Variants in CAP2 observed in about 807,000 individuals in gnomAD.
The protein encoded by CAP2 is adenylyl cyclase-associated protein 2.
In CAP2, 24 loss-of-function variants were observed where a neutral mutation model predicts 57.7. That is an observed-to-expected ratio of 0.42 (90% confidence interval 0.30 to 0.58). CAP2 has a LOEUF of 0.58. Ranked by LOEUF, CAP2 falls within the 20% of genes least tolerant of loss-of-function variation. The pLI is 0.22. For synonymous variants in CAP2, 194 were observed against 207.2 expected, an observed-to-expected ratio of 0.94 and a Z score of 0.55; for missense variants, 501 against 590.3, an observed-to-expected ratio of 0.85 and a Z score of 1.57.
chr6:17,478,032 TTAA>T (rs1207193347), intron 4 of CAP2, among the ~76,000 whole-genome samples: 1 of 148,140 alleles, frequency 6.8e-6, no homozygotes, highest in African/African-American at 2.4e-5. Flanking sequence ...TTATATATCA[TTAA>T]TAATAATTAT....
chr6:17,480,023 G>A (rs1444097045), intron 4 of CAP2, among the ~76,000 whole-genome samples: 1 of 152,018 alleles, frequency 6.6e-6, no homozygotes, highest in East Asian at 1.9e-4. Context: ...CTACAGTATG[G>A]CCTCTTCAAC....
chr6:17,480,775 T>G (rs866646821), intron 4 of CAP2, among the ~76,000 whole-genome samples: 11,016 of 142,516 alleles, frequency 0.077, 1,384 homozygotes, highest in African/African-American at 0.26. Context: ...TTTTTTTGGT[T>G]TTTTTTTTTT....
chr6:17,466,379 T>G (rs559536264), intron 4 of CAP2, among the ~76,000 whole-genome samples: 3 of 152,192 alleles, frequency 2.0e-5, no homozygotes, highest in Non-Finnish European at 4.4e-5. Context: ...TAGGTCTTGG[T>G]TGAGTCCCAA....
intron 1 of CAP2, among the ~76,000 whole-genome samples, chr6:17,395,575 T>C (rs1336901227): frequency 6.6e-6 from 1 of 152,206 alleles, no homozygotes; most frequent in Admixed American, 6.5e-5. Context: ...AAAGGATTAA[T>C]GGGCCACATT....
intron 9 of CAP2, 128 bp downstream of exon 9, chr6:17,541,276 A>G: frequency 6.1e-6 from 4 of 659,684 alleles, no homozygotes; most frequent in Non-Finnish European, 1.0e-5. Context: ...ACATTTGTAT[A>G]TATTTATGGG....
chr6:17,427,978 A>G (rs1365150972), intron 3 of CAP2, among the ~76,000 whole-genome samples: 1 of 152,258 alleles, frequency 6.6e-6, no homozygotes, highest in African/African-American at 2.4e-5. Context: ...GGTGTTTGCC[A>G]GAGGCTGGAG....
intron 3 of CAP2, among the ~76,000 whole-genome samples, chr6:17,445,387 G>A (rs1006537882): frequency 2.0e-5 from 3 of 152,210 alleles, no homozygotes; most frequent in Admixed American, 6.5e-5. Context: ...GATTGTAGGC[G>A]TGAGCCACCA....
chr6:17,402,384 A>T (rs1758840748), intron 1 of CAP2, among the ~76,000 whole-genome samples: 1 of 152,236 alleles, frequency 6.6e-6, no homozygotes. Flanking sequence ...TTCTGAGTAT[A>T]AATTTCGTTT....
intron 1 of CAP2, 71 bp from the exon 2 acceptor site, chr6:17,421,484 G>C (rs1759444887): frequency 1.3e-6 from 2 of 1,523,136 alleles, no homozygotes; most frequent in African/African-American, 1.4e-5. Flanking sequence ...CTGTTGTTGA[G>C]ACTGATGGTG....
intron 1 of CAP2, among the ~76,000 whole-genome samples, chr6:17,398,728 G>A (rs1232797102): frequency 6.6e-6 from 1 of 151,904 alleles, no homozygotes; most frequent in Non-Finnish European, 1.5e-5. Context: ...ATTTCACCGT[G>A]TTAGCCAGGA....
intron 3 of CAP2, among the ~76,000 whole-genome samples, chr6:17,449,402 T>C (rs1418946838): frequency 6.6e-6 from 1 of 152,094 alleles, no homozygotes; most frequent in Non-Finnish European, 1.5e-5. Context: ...TGCAATTATT[T>C]TATTATTATT....
At chr6:17,455,029 G>A (rs527327079) in intron 3 of CAP2, among the ~76,000 whole-genome samples, 2 of 152,142 alleles carry the variant, frequency 1.3e-5, no homozygotes, top group Non-Finnish European at 2.9e-5. Flanking sequence ...GGGCAGGAGA[G>A]CCCCCGCTCC....
At chr6:17,407,199 C>T (rs1466884410) in intron 1 of CAP2, among the ~76,000 whole-genome samples, 2 of 152,070 alleles carry the variant, frequency 1.3e-5, no homozygotes, top group Admixed American at 6.6e-5. Context: ...TCCACTTTAC[C>T]CACTTTCTCT....
intron 3 of CAP2, among the ~76,000 whole-genome samples, chr6:17,457,584 T>A (rs137916910): frequency 6.6e-6 from 1 of 152,278 alleles, no homozygotes; most frequent in African/African-American, 2.4e-5. Flanking sequence ...CTGAAAGAAG[T>A]ACACAGTCAA....
At chr6:17,532,588 A>C (rs1301044428) in intron 7 of CAP2, among the ~76,000 whole-genome samples, 3 of 151,462 alleles carry the variant, frequency 2.0e-5, no homozygotes, top group African/African-American at 4.8e-5. Context: ...TCTACTAAAA[A>C]TTCAAAAAAA....
chr6:17,507,294 C>T lies in CAP2; in HGVS notation c.426C>T (p.Ala142=), dbSNP rs570071454. ...HLSAVSESIP[A]LGWIAVSPKP... ...CGGCCGTCAGCGAAAGCATCCCTGC[C>T]CTTGGATGGATAGCTGTGGTGAGTC... The change falls in exon 5 of 13, where the codon GCC becomes GCT. Residue 142 remains alanine, a synonymous_variant. Transcript: ENST00000229922. 6.2e-7 allele frequency: 1 copy of T among 1,614,136 alleles called. No individual in the cohort carries two copies. Among genetic ancestry groups the T allele is most frequent in the South Asian group, 1.1e-5 (1 of 91,084 alleles).
At chr6:17,450,055 CTT>C (rs560454962) in intron 3 of CAP2, among the ~76,000 whole-genome samples, 11 of 144,324 alleles carry the variant, frequency 7.6e-5, no homozygotes, top group East Asian at 2.0e-4. Flanking sequence ...TCAGTTCTAC[CTT>C]TTTTTTTTTT....
chr6:17,488,281 A>G (rs766010632), intron 4 of CAP2, among the ~76,000 whole-genome samples: 18 of 152,088 alleles, frequency 1.2e-4, no homozygotes, highest in Non-Finnish European at 2.4e-4. Context: ...TCTTTTTGGT[A>G]TCTTTTTCTG....
At chr6:17,434,409 A>T (rs1308569770) in intron 3 of CAP2, among the ~76,000 whole-genome samples, 1 of 151,876 alleles carries the variant, frequency 6.6e-6, no homozygotes, top group East Asian at 1.9e-4. Context: ...TTGTGTTTTT[A>T]GTAGAGACGG....
Sources: gnomAD v4.1 joint callset for allele counts (sites outside exome capture counted in the v4.1 genomes callset) on GRCh38, gnomAD v4.1.1 for gene constraint, MANE v1.5 for transcripts, NCBI Gene and HGNC (gene_info 2026-07-23, HGNC 2026-07-21) for gene names.